CHL1: variants seen among roughly 807,000 people sequenced by gnomAD.
CHL1 encodes cell adhesion molecule L1 like.
In CHL1, 96 loss-of-function variants were observed where a neutral mutation model predicts 141.9. That is an observed-to-expected ratio of 0.68 (90% CI 0.57 to 0.80). CHL1 has a LOEUF of 0.80. Among genes scored for constraint, CHL1 ranks in the 30% least tolerant of loss-of-function variants. The pLI is 0.00. For missense variants in CHL1, 1,820 were observed against 1,457.2 expected, an observed-to-expected ratio of 1.25 and a Z score of -4.05; for synonymous variants, 613 against 502.2, an observed-to-expected ratio of 1.22 and a Z score of -2.95.
chr3:273,982 T>C (rs957410293), intron 2 of CHL1, among the ~76,000 whole-genome samples: 3 of 152,202 alleles, frequency 2.0e-5, no homozygotes, highest in Admixed American at 1.3e-4. Context: ...TTACATGGCC[T>C]ACAAAGCCTC....
chr3:259,687 A>T (rs1300586901), intron 2 of CHL1, among the ~76,000 whole-genome samples: 1 of 152,074 alleles, frequency 6.6e-6, no homozygotes, highest in Non-Finnish European at 1.5e-5. Context: ...TATGTATTAC[A>T]AGGCTTCATG....
At chr3:368,298 C>A (rs1184268284) in intron 15 of CHL1, among the ~76,000 whole-genome samples, 1 of 152,086 alleles carries the variant, frequency 6.6e-6, no homozygotes. Flanking sequence ...TTCTGACTGG[C>A]ATGAGATGGT....
intron 5 of CHL1, among the ~76,000 whole-genome samples, chr3:333,517 A>G (rs1701627497): frequency 6.6e-6 from 1 of 151,494 alleles, no homozygotes; most frequent in Non-Finnish European, 1.5e-5. Context: ...AGAAACAACA[A>G]CAACAAGAAC....
intron 2 of CHL1, among the ~76,000 whole-genome samples, chr3:286,199 C>G (rs1412592234): frequency 6.6e-6 from 1 of 152,190 alleles, no homozygotes; most frequent in East Asian, 1.9e-4. Flanking sequence ...TTATCACAAC[C>G]CTTAATGTTT....
At chr3:233,873 G>T (rs1212412991) in intron 1 of CHL1, among the ~76,000 whole-genome samples, 3 of 152,042 alleles carry the variant, frequency 2.0e-5, no homozygotes, top group Non-Finnish European at 4.4e-5. Flanking sequence ...ACTCAGTAAA[G>T]ATTTTTCCAT....
rs1433446502 is a variant in CHL1, at chr3:394,805, G to T, written c.3027G>T (p.Leu1009Phe). The change falls in exon 24 of 28, where the codon TTG becomes TTT. Residue 1009 changes from leucine to phenylalanine, a missense_variant. Leu to Phe is a conservative substitution (Grantham distance 22). Coordinates refer to ENST00000256509, the MANE Select transcript of CHL1 (RefSeq NM_006614.4). ...CAACTACCAAGTACAAATTCTACTT[G>T]AGGGCTTGCACTTCACAGGGCTGTG... ...LNATTKYKFY[L>F]RACTSQGCGK... 6.2e-7 allele frequency: 1 copy of T among 1,614,046 alleles called. No individual in the cohort carries two copies. The highest frequency in any genetic ancestry group is 8.5e-7 in the Non-Finnish European group (1 of 1,179,966).
intron 20 of CHL1, among the ~76,000 whole-genome samples, 168 bp from the exon 21 acceptor site, chr3:390,533 A>G (rs1708135294): frequency 6.6e-6 from 1 of 152,094 alleles, no homozygotes; most frequent in Non-Finnish European, 1.5e-5. Flanking sequence ...TGGGAAATCT[A>G]TTTGGGCTGA....
chr3:278,147 G>T (rs938219019), intron 2 of CHL1, among the ~76,000 whole-genome samples: 1 of 152,242 alleles, frequency 6.6e-6, no homozygotes, highest in South Asian at 2.1e-4. Flanking sequence ...TTCTTCATCC[G>T]CTCTATAGAA....
At chr3:376,287 G>C (rs892965498) in intron 15 of CHL1, 17 of 459,586 alleles carry the variant, frequency 3.7e-5, no homozygotes, top group Non-Finnish European at 5.6e-5. Flanking sequence ...GACCCTATGT[G>C]TGACAACTAT....
At chr3:250,695 A>G (rs1460869672) in intron 2 of CHL1, among the ~76,000 whole-genome samples, 1 of 152,048 alleles carries the variant, frequency 6.6e-6, no homozygotes, top group Non-Finnish European at 1.5e-5. Context: ...CCAAAGTGGC[A>G]TATTTTGGGG....
At chr3:235,605 T>C (rs1180359611) in intron 1 of CHL1, among the ~76,000 whole-genome samples, 1 of 152,170 alleles carries the variant, frequency 6.6e-6, no homozygotes, top group Admixed American at 6.5e-5. Context: ...TTGGACTATA[T>C]AGGAAAACAT....
chr3:352,402 G>C (rs1703347168), intron 10 of CHL1, among the ~76,000 whole-genome samples: 1 of 151,968 alleles, frequency 6.6e-6, no homozygotes. Flanking sequence ...TATTTAGCTT[G>C]CTTAATATAT....
At chr3:376,058 T>TG (rs1706276276) in intron 15 of CHL1, among the ~76,000 whole-genome samples, 1 of 152,146 alleles carries the variant, frequency 6.6e-6, no homozygotes, top group Admixed American at 6.5e-5. Flanking sequence ...AGGAAAAGAT[T>TG]GGGGCACGAA....
At chr3:355,751 G>T (rs1703655976) in intron 11 of CHL1, among the ~76,000 whole-genome samples, 2 of 152,058 alleles carry the variant, frequency 1.3e-5, no homozygotes, top group Non-Finnish European at 2.9e-5. Flanking sequence ...GGAGATAGTG[G>T]CGGTTGGTTG....
chr3:271,015 T>A (rs1695587572), intron 2 of CHL1, among the ~76,000 whole-genome samples: 1 of 152,190 alleles, frequency 6.6e-6, no homozygotes, highest in Non-Finnish European at 1.5e-5. Flanking sequence ...CCAGCCTGAA[T>A]TCAAGGAGAG....
intron 2 of CHL1, among the ~76,000 whole-genome samples, chr3:278,617 T>G (rs1291113224): frequency 6.6e-6 from 1 of 152,202 alleles, no homozygotes; most frequent in Non-Finnish European, 1.5e-5. Flanking sequence ...ATGCGCTGCT[T>G]TTTTTTGCTT....
intron 1 of CHL1, among the ~76,000 whole-genome samples, chr3:243,092 T>C (rs758977487): frequency 1.3e-5 from 2 of 152,196 alleles, no homozygotes; most frequent in Admixed American, 6.5e-5. Flanking sequence ...CCTGAATGCA[T>C]GACATTCTTT....
chr3:199,401 G>A lies in CHL1; in HGVS notation c.-175+2338G>A, dbSNP rs1015755282. ...TGTTATCTGTTGCATGTAGACTTAC[G>A]GATCCTTTTCTTCAAAGAAACGGCT... On this transcript the variant is annotated intron_variant, in intron 1 of 27. Coordinates refer to ENST00000256509, the MANE Select transcript of CHL1 (RefSeq NM_006614.4). Among the ~76,000 whole-genome samples, 21 of 152,212 alleles carry A rather than the reference G, an allele frequency of 1.4e-4. No homozygotes were observed. The South Asian group carries it at 1.5e-3, about 11-fold the overall frequency.
chr3:255,729 G>A (rs1694093965), intron 2 of CHL1, among the ~76,000 whole-genome samples: 1 of 152,180 alleles, frequency 6.6e-6, no homozygotes, highest in African/African-American at 2.4e-5. Flanking sequence ...ACCTAGAACA[G>A]TAGTTCTCGC....
Sources: allele counts gnomAD v4.1 joint callset (sites outside exome capture counted in the v4.1 genomes callset), GRCh38; gene constraint gnomAD v4.1.1; transcripts MANE v1.5; gene names NCBI Gene and HGNC (gene_info 2026-07-23, HGNC 2026-07-21).